Variants in MTMR12 observed in about 807,000 individuals in gnomAD.
MTMR12 encodes myotubularin-related protein 12.
Under a neutral mutation model 96.7 loss-of-function variants are expected in MTMR12, and 33 were observed. That is an observed-to-expected ratio of 0.34 (90% CI 0.26 to 0.46). The LOEUF (loss-of-function observed/expected upper bound fraction) is 0.46. Ranked by LOEUF, MTMR12 falls within the 20% of genes least tolerant of loss-of-function variation. MTMR12 has a pLI of 1.00. For missense variants in MTMR12, 721 were observed against 896.1 expected (o/e 0.80, Z 2.49); for synonymous variants, 298 against 327.2 (o/e 0.91, Z 0.96).
At chr5:32,238,143 CAAAAAAAAA>C (rs746835069) in intron 13 of MTMR12, among the ~76,000 whole-genome samples, 1 of 58,964 alleles carries the variant, frequency 1.7e-5, no homozygotes, top group South Asian at 9.2e-4. Flanking sequence ...GACTCCGTCT[CAAAAAAAAA>C]AAAAAAAAAA....
chr5:32,276,760 A>C lies in MTMR12; in HGVS notation c.82-18T>G. The C allele has an allele frequency of 1.2e-5, 19 of 1,607,982 alleles. No individual in the cohort carries two copies. The highest frequency in any genetic ancestry group is 1.5e-5 in the Non-Finnish European group (18 of 1,174,724). On this transcript the variant is annotated intron_variant, in intron 1 of 15. Coordinates refer to ENST00000382142, the MANE Select transcript of MTMR12 (RefSeq NM_001040446.3). ...TGAATTTCCTAAAAGAGAAGAGCAA[A>C]GGATATTTTTCTTTGTTTAAGGGTT...
chr5:32,306,101 C>T (rs919736918), intron 1 of MTMR12, among the ~76,000 whole-genome samples: 1 of 152,100 alleles, frequency 6.6e-6, no homozygotes, highest in African/African-American at 2.4e-5. Flanking sequence ...TAAGGAAGTA[C>T]TCTAGTGTAC....
intron 2 of MTMR12, among the ~76,000 whole-genome samples, chr5:32,275,511 C>T (rs1750015732): frequency 6.6e-6 from 1 of 152,174 alleles, no homozygotes; most frequent in African/African-American, 2.4e-5. Flanking sequence ...CTAGCTAATA[C>T]AACATTCCTG....
At chr5:32,268,508 T>TA (rs72294899) in intron 6 of MTMR12, among the ~76,000 whole-genome samples, 193 bp downstream of exon 6, 43,523 of 136,052 alleles carry the variant, frequency 0.32, 6,817 homozygotes, top group Middle Eastern at 0.46. Context: ...ACTCCATCTT[T>TA]AAAAAAAAAA....
At chr5:32,242,592 C>T (rs368873300) in intron 11 of MTMR12, among the ~76,000 whole-genome samples, 2 of 151,690 alleles carry the variant, frequency 1.3e-5, no homozygotes, top group South Asian at 2.1e-4. Flanking sequence ...CGACTGTTGC[C>T]GCTATTCCCA....
intron 8 of MTMR12, among the ~76,000 whole-genome samples, chr5:32,249,314 T>C (rs1285397627): frequency 1.3e-5 from 2 of 152,168 alleles, no homozygotes; most frequent in Non-Finnish European, 2.9e-5. Flanking sequence ...CTTGGAGAGA[T>C]GGAAGGACTT....
At chr5:32,299,032 C>A (rs567954976) in intron 1 of MTMR12, among the ~76,000 whole-genome samples, 377 of 151,708 alleles carry the variant, frequency 2.5e-3, no homozygotes, top group Non-Finnish European at 4.4e-3. Flanking sequence ...CACTGGTGGC[C>A]CAAAGAACAC....
intron 1 of MTMR12, among the ~76,000 whole-genome samples, chr5:32,293,606 T>C (rs1750821650): frequency 6.6e-6 from 1 of 152,206 alleles, no homozygotes; most frequent in African/African-American, 2.4e-5. Flanking sequence ...GGAATCCTAA[T>C]ACAGGCTAAC....
At chr5:32,282,459 A>AT (rs1750338722) in intron 1 of MTMR12, among the ~76,000 whole-genome samples, 2 of 150,672 alleles carry the variant, frequency 1.3e-5, no homozygotes, top group South Asian at 4.2e-4. Context: ...AAATAAATAA[A>AT]TAAATAAAAT....
chr5:32,231,081 T>G (rs1747977261), intron 15 of MTMR12, among the ~76,000 whole-genome samples: 1 of 152,110 alleles, frequency 6.6e-6, no homozygotes, highest in South Asian at 2.1e-4. Context: ...GTATTATATT[T>G]GGGGGTGCAC....
chr5:32,235,632 G>A (rs1015353465), intron 13 of MTMR12, among the ~76,000 whole-genome samples: 5 of 152,208 alleles, frequency 3.3e-5, no homozygotes, highest in Admixed American at 2.0e-4. Flanking sequence ...GGAGACCAAC[G>A]TGGAAGGAGA....
chr5:32,295,473 T>A (rs1750890948), intron 1 of MTMR12, among the ~76,000 whole-genome samples: 1 of 152,230 alleles, frequency 6.6e-6, no homozygotes, highest in Admixed American at 6.5e-5. Flanking sequence ...ACAAGCTGAG[T>A]ATTCTTAATC....
chr5:32,242,137 A>G lies in MTMR12; in HGVS notation c.1101-10T>C, dbSNP rs1357378929. 1.9e-6 allele frequency: 3 copies of G among 1,605,916 alleles called. No homozygotes were observed. Among genetic ancestry groups the G allele is most frequent in the Non-Finnish European group, 2.6e-6 (3 of 1,173,466 alleles). On this transcript the variant is annotated splice_polypyrimidine_tract_variant and intron_variant, in intron 11 of 15. Transcript: ENST00000382142. The stretch of plus-strand genomic sequence containing the variant: ...TTTTTTCAGGCAACGTCTGAATAGG[A>G]AAGAGACAAGAAAAAGGGGCATTAG...
chr5:32,276,557 A>T, intron 2 of MTMR12, 125 bp downstream of exon 2: 2 of 759,664 alleles, frequency 2.6e-6, no homozygotes, highest in Admixed American at 2.9e-5. Flanking sequence ...ATGTTTTTTC[A>T]ATTCATTACT....
intron 1 of MTMR12, among the ~76,000 whole-genome samples, chr5:32,279,612 C>T (rs918674034): frequency 5.9e-5 from 9 of 152,142 alleles, no homozygotes; most frequent in East Asian, 1.9e-4. Context: ...AGAAAAATTC[C>T]GTTAGGAGAA....
chr5:32,252,015 G>A (rs181188230), intron 8 of MTMR12, among the ~76,000 whole-genome samples: 2 of 152,342 alleles, frequency 1.3e-5, no homozygotes, highest in East Asian at 3.9e-4. Context: ...CATACTGCTG[G>A]GCGGGACAAA....
chr5:32,232,783 C>A (rs1216667205), intron 15 of MTMR12, among the ~76,000 whole-genome samples: 3 of 152,240 alleles, frequency 2.0e-5, no homozygotes, highest in African/African-American at 7.2e-5. Context: ...AGTGGCCATT[C>A]TGAGTCGTTC....
At chr5:32,248,394 T>G (rs189595159) in intron 9 of MTMR12, among the ~76,000 whole-genome samples, 585 of 152,148 alleles carry the variant, frequency 3.8e-3, no homozygotes, top group Non-Finnish European at 6.4e-3. Flanking sequence ...CTGAGTCTAT[T>G]CCTTCTTTTT....
At chr5:32,300,308 G>A (rs769893172) in intron 1 of MTMR12, among the ~76,000 whole-genome samples, 2 of 152,144 alleles carry the variant, frequency 1.3e-5, no homozygotes, top group African/African-American at 2.4e-5. Flanking sequence ...AAATCAGCCT[G>A]CAGGGAAGAC....
Sources: allele counts gnomAD v4.1 joint callset (sites outside exome capture counted in the v4.1 genomes callset), GRCh38; gene constraint gnomAD v4.1.1; transcripts MANE v1.5; gene names NCBI Gene and HGNC (gene_info 2026-07-23, HGNC 2026-07-21).